ELP2: variants seen among roughly 807,000 people sequenced by gnomAD.
ELP2 encodes elongator complex protein 2.
ELP2 carries 90 observed loss-of-function variants against 119.2 expected under a neutral mutation model. The observed-to-expected ratio is 0.75, with a 90% CI of 0.64 to 0.90. The LOEUF (loss-of-function observed/expected upper bound fraction) is 0.90. ELP2 is among the 40% of genes least tolerant of loss of function. The pLI is 0.00. For missense variants in ELP2, 921 were observed against 967.8 expected (o/e 0.95, Z 0.64); for synonymous variants, 339 against 331.0 (o/e 1.02, Z -0.26).
chr18:36,156,664 T>G lies in ELP2; in HGVS notation c.1464+10T>G. The stretch of plus-strand genomic sequence containing the variant: ...TCATGTGCTCTGTAATGTGAGTATT[T>G]CTCTAAATATTTTACCTAAATCTAG... On this transcript the variant is annotated intron_variant, in intron 13 of 21. Coordinates refer to ENST00000358232, the MANE Select transcript of ELP2 (RefSeq NM_018255.4). 6.2e-7 allele frequency: 1 copy of G among 1,612,402 alleles called. No individual in the cohort carries two copies. The highest frequency in any genetic ancestry group is 8.5e-7 in the Non-Finnish European group (1 of 1,178,566).
At chr18:36,141,787 G>A (rs1285492136) in intron 6 of ELP2, among the ~76,000 whole-genome samples, 1 of 151,472 alleles carries the variant, frequency 6.6e-6, no homozygotes, top group Non-Finnish European at 1.5e-5. Flanking sequence ...ACTTCCTGGG[G>A]TGAAGCAATC....
chr18:36,139,565 T>G, intron 5 of ELP2: 1 of 1,535,550 alleles, frequency 6.5e-7, no homozygotes. Flanking sequence ...GCTGCACACA[T>G]TCTGGCATCA....
intron 5 of ELP2, chr18:36,139,502 T>C: frequency 6.5e-7 from 1 of 1,535,734 alleles, no homozygotes; most frequent in South Asian, 1.2e-5. Context: ...GAGCTGCGAC[T>C]CTATGGTTTC....
intron 12 of ELP2, among the ~76,000 whole-genome samples, chr18:36,155,560 T>C (rs1369286559): frequency 5.3e-5 from 8 of 152,056 alleles, no homozygotes; most frequent in African/African-American, 1.9e-4. Context: ...TGGAAAACAG[T>C]TGGACATTTT....
chr18:36,160,854 T>A, intron 16 of ELP2, 78 bp from the exon 17 acceptor site: 1 of 937,686 alleles, frequency 1.1e-6, no homozygotes. Context: ...TTGATGTTAT[T>A]CTTTTTACTT....
intron 17 of ELP2, among the ~76,000 whole-genome samples, chr18:36,162,483 GGTT>G (rs1441858207): frequency 6.6e-6 from 1 of 152,050 alleles, no homozygotes; most frequent in African/African-American, 2.4e-5. Flanking sequence ...TGGACATTTG[GGTT>G]GTTTTCCAGT....
At chr18:36,131,890 C>A (rs2089645484) in intron 1 of ELP2, among the ~76,000 whole-genome samples, 1 of 149,128 alleles carries the variant, frequency 6.7e-6, no homozygotes, top group Admixed American at 6.6e-5. Flanking sequence ...AGTGTTGAGC[C>A]TAAAAAGTAC....
intron 20 of ELP2, among the ~76,000 whole-genome samples, chr18:36,170,563 C>G (rs2144820105): frequency 6.6e-6 from 1 of 152,222 alleles, no homozygotes; most frequent in Middle Eastern, 3.4e-3. Context: ...ATCCATCTGC[C>G]TCGTCCTCCC....
rs771580113 is a variant in ELP2 at position 36,146,267 on chromosome 18, A to T, written c.1011A>T (p.Val337=). The T allele has an allele frequency of 1.1e-4, 174 of 1,613,992 alleles. No individual in the cohort carries two copies. Among genetic ancestry groups the T allele is most frequent in the Non-Finnish European group, 1.4e-4 (169 of 1,179,976 alleles). The change falls in exon 11 of 22, where the codon GTA becomes GTT. Residue 337 remains valine (V), a synonymous_variant. Coordinates refer to ENST00000358232, the MANE Select transcript of ELP2 (RefSeq NM_018255.4). ...TTGTACAGGTTCGAGTAGGTGAAGTAGGTGGGAATACTTTGGGATTTTATG... is the reference window on the plus strand; with the variant it reads ...TTGTACAGGTTCGAGTAGGTGAAGTTGGTGGGAATACTTTGGGATTTTATG... The part of the protein sequence containing the change: ...VWLEQVRVGE[V]GGNTLGFYDC...
At chr18:36,131,467 C>T (rs946502470) in intron 1 of ELP2, among the ~76,000 whole-genome samples, 1 of 152,244 alleles carries the variant, frequency 6.6e-6, no homozygotes, top group African/African-American at 2.4e-5. Flanking sequence ...CACCGTTCCG[C>T]CATGGCTGGG....
intron 9 of ELP2, among the ~76,000 whole-genome samples, chr18:36,145,544 C>T (rs1440457507): frequency 6.6e-6 from 1 of 152,158 alleles, no homozygotes; most frequent in Non-Finnish European, 1.5e-5. Context: ...TGGCCTCTTC[C>T]CCAAGGCAAT....
chr18:36,176,799 G>A lies in ELP2; in HGVS notation c.*2158G>A, dbSNP rs1341194810. 2 of 152,134 alleles carry A rather than the reference G, an allele frequency of 1.3e-5. No homozygotes were observed. The highest frequency in any genetic ancestry group is 6.5e-5 in the Admixed American group (1 of 15,284). 9.4% of individuals were successfully genotyped at this position (152,134 alleles called of 1,614,324 possible). ...AATATCTGAAGCAATCCCCAGATAC[G>A]GGTTAGGCATGGCCCTGCTCTGAGC... On this transcript the variant is annotated 3_prime_UTR_variant, in exon 22 of 22. Coordinates refer to ENST00000358232, the MANE Select transcript of ELP2 (RefSeq NM_018255.4).
In ELP2 at chr18:36,168,977, T is replaced by C. The variant is rs185843783; in HGVS notation, c.2077-1086T>C. Among the ~76,000 whole-genome samples the C allele has an allele frequency of 3.9e-3, 539 of 139,412 alleles. 3 individuals are homozygous for C. Among genetic ancestry groups the C allele is most frequent in the African/African-American group, 0.014 (519 of 36,690 alleles). The allele number at this position is 139,412 out of a possible 152,430, so 91.5% of individuals were successfully genotyped here. Reference sequence around the variant, plus strand: ...TTCGCTCTTGTTGCCTAGGCTGGAGTGCAGTGGCGTGATCTTGGCTCACTG... The same window carrying C: ...TTCGCTCTTGTTGCCTAGGCTGGAGCGCAGTGGCGTGATCTTGGCTCACTG... On this transcript the variant is annotated intron_variant, in intron 19 of 21. Coordinates refer to ENST00000358232, the MANE Select transcript of ELP2 (RefSeq NM_018255.4).
chr18:36,141,359 C>A, intron 6 of ELP2, 158 bp downstream of exon 6: 1 of 676,354 alleles, frequency 1.5e-6, no homozygotes, highest in Non-Finnish European at 2.6e-6. Context: ...AGATGGTTGT[C>A]TACTCTGAAC....
chr18:36,139,436 C>G (rs2089945323), intron 5 of ELP2: 1 of 1,535,548 alleles, frequency 6.5e-7, no homozygotes, highest in Non-Finnish European at 8.7e-7. Flanking sequence ...GAAGACTGGC[C>G]AGGTGGAACG....
intron 11 of ELP2, among the ~76,000 whole-genome samples, chr18:36,154,460 A>G (rs774200075): frequency 1.1e-4 from 16 of 152,224 alleles, no homozygotes; most frequent in Non-Finnish European, 2.2e-4. Flanking sequence ...AATACATAGA[A>G]CCTAGTGTAT....
In ELP2 at chr18:36,174,657, C is replaced by T; in HGVS notation, c.*16C>T. 6.2e-7 allele frequency: 1 copy of T among 1,612,210 alleles called. No individual in the cohort carries two copies. The highest frequency in any genetic ancestry group is 8.5e-7 in the Non-Finnish European group (1 of 1,178,458). On this transcript the variant is annotated 3_prime_UTR_variant, in exon 22 of 22. Transcript: ENST00000358232. ...TGCACTGTAATGGACTTAATAACTACATGCTTGCAGTCACTGGTATCTTAA... is the reference window on the plus strand; with the variant it reads ...TGCACTGTAATGGACTTAATAACTATATGCTTGCAGTCACTGGTATCTTAA...
rs746816782 is a variant in ELP2, at chr18:36,141,187, C to T, written c.574C>T (p.Gln192Ter). The change falls in exon 6 of 22, where the codon CAA becomes TAA. Residue 192 changes from glutamine (Q) to a stop codon, truncating the protein, a stop_gained. Coordinates refer to ENST00000358232, the MANE Select transcript of ELP2 (RefSeq NM_018255.4). LOFTEE classifies it high-confidence loss of function. ...TGATTGCAGAATTCACATATTTGCT[C>T]AACAAAATGATCAGGTAATAATGTT... ...NDDCRIHIFA[Q>*]QNDQFQKVLS... 9 of 1,612,276 alleles carry T rather than the reference C, an allele frequency of 5.6e-6. No individual in the cohort carries two copies. In the Admixed American group the frequency reaches 1.0e-4, roughly 18 times the overall value.
rs2144853126 is a variant in ELP2 at position 36,175,529 on chromosome 18, A to T, written c.*888A>T. On this transcript the variant is annotated 3_prime_UTR_variant, in exon 22 of 22. Transcript: ENST00000358232. Reference sequence around the variant, plus strand: ...TGAAAGTAAAATATCCTGACATTTAAACTGACAGATGTAGGAGGTAAAAAA... The same window carrying T: ...TGAAAGTAAAATATCCTGACATTTATACTGACAGATGTAGGAGGTAAAAAA... 6.6e-6 allele frequency: 1 copy of T among 152,350 alleles called. No homozygotes were observed. The highest frequency in any genetic ancestry group is 1.9e-4 in the East Asian group (1 of 5,184). 9.4% of individuals were successfully genotyped at this position (152,350 alleles called of 1,614,324 possible).
Sources: gnomAD v4.1 joint callset for allele counts (sites outside exome capture counted in the v4.1 genomes callset) on GRCh38, gnomAD v4.1.1 for gene constraint, MANE v1.5 for transcripts, NCBI Gene and HGNC (gene_info 2026-07-23, HGNC 2026-07-21) for gene names.